The following TJP1 variants were observed in gnomAD, a reference collection of about 807,000 sequenced individuals.
TJP1 encodes the protein tight junction protein ZO-1.
Under a neutral mutation model 194.2 loss-of-function variants are expected in TJP1, and 43 were observed. That is an observed-to-expected ratio of 0.22 (90% CI 0.17 to 0.29). TJP1 has a LOEUF of 0.29. Among genes scored for constraint, TJP1 ranks in the 10% least tolerant of loss-of-function variants. The pLI is 1.00. For missense variants in TJP1, 1,971 were observed against 2,185.7 expected, an observed-to-expected ratio of 0.90 and a Z score of 1.96; for synonymous variants, 801 against 779.0, an observed-to-expected ratio of 1.03 and a Z score of -0.47.
intron 2 of TJP1, among the ~76,000 whole-genome samples, chr15:29,887,388 C>T (rs1159816327): frequency 2.0e-5 from 3 of 151,738 alleles, no homozygotes; most frequent in African/African-American, 7.3e-5. Context: ...GCAACCTCCT[C>T]TCCCAGGTTC....
chr15:29,769,604 C>CT (rs978845015), intron 4 of TJP1, among the ~76,000 whole-genome samples: 4 of 152,124 alleles, frequency 2.6e-5, no homozygotes, highest in African/African-American at 7.2e-5. Flanking sequence ...GATACCTACA[C>CT]AGTCATGCAC....
At chr15:29,878,242 G>A (rs940737390) in intron 2 of TJP1, among the ~76,000 whole-genome samples, 2 of 151,880 alleles carry the variant, frequency 1.3e-5, no homozygotes, top group Non-Finnish European at 2.9e-5. Context: ...AGTAGAGACG[G>A]GGTTTCACCC....
intron 1 of TJP1, among the ~76,000 whole-genome samples, chr15:29,817,309 G>T (rs940140309): frequency 6.6e-6 from 1 of 152,152 alleles, no homozygotes; most frequent in Non-Finnish European, 1.5e-5. Flanking sequence ...TCAGAATGGT[G>T]ATTATTAGAA....
chr15:29,775,149 C>T (rs1204103098), intron 2 of TJP1, among the ~76,000 whole-genome samples: 1 of 152,132 alleles, frequency 6.6e-6, no homozygotes, highest in Admixed American at 6.5e-5. Context: ...TACTCAGTAG[C>T]TGTCAGTTAT....
chr15:29,726,182 G>C (rs2043225365), intron 18 of TJP1, among the ~76,000 whole-genome samples, 197 bp downstream of exon 18: 1 of 152,098 alleles, frequency 6.6e-6, no homozygotes, highest in African/African-American at 2.4e-5. Context: ...CAACAGGTGA[G>C]AAAATTTAAG....
At chr15:29,703,443 A>C (rs191265302) in intron 27 of TJP1, among the ~76,000 whole-genome samples, 1 of 152,154 alleles carries the variant, frequency 6.6e-6, no homozygotes, top group Non-Finnish European at 1.5e-5. Context: ...ACCTCAAAAA[A>C]CCAAATCAAA....
At chr15:29,866,157 T>C (rs1395066305) in intron 2 of TJP1, among the ~76,000 whole-genome samples, 1 of 152,236 alleles carries the variant, frequency 6.6e-6, no homozygotes, top group Non-Finnish European at 1.5e-5. Flanking sequence ...AGCAGCATAT[T>C]AATTCTCTGT....
rs1314842197 is a variant in TJP1 at position 29,704,265 on chromosome 15, A to G, written c.5109T>C (p.His1703=). 2 of 1,599,414 alleles carry G rather than the reference A, an allele frequency of 1.3e-6. No individual in the cohort carries two copies. The highest frequency in any genetic ancestry group is 8.5e-7 in the Non-Finnish European group (1 of 1,173,322). Residue 1703 remains histidine, a synonymous_variant, in exon 27 of 28, where the codon CAT becomes CAC. Coordinates refer to ENST00000614355, the MANE Select transcript of TJP1 (RefSeq NM_001330239.4). The part of the protein sequence containing the change: ...LLSPLVMCGP[H]GLKFLKPVEL... ...CCACAGGCTTCAGGAACTTGAGGCC[A>G]TGGGGACCACACATCACCAAAGGAC...
At chr15:29,938,643 G>A (rs2054962855) in intron 2 of TJP1, among the ~76,000 whole-genome samples, 1 of 152,198 alleles carries the variant, frequency 6.6e-6, no homozygotes, top group Non-Finnish European at 1.5e-5. Context: ...AGCACAGGGT[G>A]TCTGAAATTT....
At chr15:29,898,912 T>C (rs2053557606) in intron 2 of TJP1, among the ~76,000 whole-genome samples, 1 of 152,192 alleles carries the variant, frequency 6.6e-6, no homozygotes, top group African/African-American at 2.4e-5. Flanking sequence ...ATACATAGGT[T>C]ATAGATAACA....
intron 1 of TJP1, among the ~76,000 whole-genome samples, chr15:29,803,388 T>G (rs1202220104): frequency 6.6e-6 from 1 of 152,164 alleles, no homozygotes; most frequent in Non-Finnish European, 1.5e-5. Context: ...CACTTTATTG[T>G]GAAGTAAGCT....
intron 1 of TJP1, 80 bp downstream of exon 1, chr15:29,821,922 G>A (rs910793789): frequency 7.4e-4 from 865 of 1,162,596 alleles, no homozygotes; most frequent in Non-Finnish European, 8.2e-4. Flanking sequence ...AGCGAGGGAG[G>A]GCGGGACGCG....
intron 2 of TJP1, among the ~76,000 whole-genome samples, chr15:29,908,133 G>T (rs955915837): frequency 9.4e-5 from 13 of 138,824 alleles, no homozygotes; most frequent in African/African-American, 3.5e-4. Flanking sequence ...GAGATAAAAG[G>T]TCCAACATGA....
chr15:29,808,195 G>A (rs191983198), intron 1 of TJP1, among the ~76,000 whole-genome samples: 98 of 152,322 alleles, frequency 6.4e-4, no homozygotes, highest in African/African-American at 2.3e-3. Context: ...TTGAACCCAG[G>A]AGGTGGAGTT....
At chr15:29,823,823 C>A (rs2050569837), upstream of TJP1, 1 of 152,136 alleles carries the variant, frequency 6.6e-6, no homozygotes, top group Non-Finnish European at 1.5e-5. Flanking sequence ...CGTGGTGGCT[C>A]ACGCCTGTAA....
At chr15:29,863,263 T>C (rs1452584643) in intron 2 of TJP1, among the ~76,000 whole-genome samples, 1 of 151,774 alleles carries the variant, frequency 6.6e-6, no homozygotes, top group Non-Finnish European at 1.5e-5. Flanking sequence ...GCCGCTGCAC[T>C]CCAGCCTGGG....
In TJP1 at chr15:29,718,934, A is replaced by G. The variant is rs2042758646; in HGVS notation, c.3208T>C (p.Phe1070Leu). Residue 1070 changes from phenylalanine (F) to leucine (L), a missense_variant, in exon 21 of 28, where the codon TTT (phenylalanine) becomes CTT (leucine). By Grantham distance (22) the Phe-to-Leu change is conservative. Coordinates refer to ENST00000614355, the MANE Select transcript of TJP1 (RefSeq NM_001330239.4). ...AGACGATGTTCATAGTTTCGAGAAA[A>G]CTGGTCCGTATAGCTTGAGGACTCG... ...RYESSSYTDQ[F>L]SRNYEHRLRY... 1 of 1,613,952 alleles carries G rather than the reference A, an allele frequency of 6.2e-7. No homozygotes were observed. Among genetic ancestry groups the G allele is most frequent in the African/African-American group, 1.3e-5 (1 of 74,886 alleles).
At chr15:29,955,780 A>AAAAGAATAG (rs1567233454) in intron 2 of TJP1, among the ~76,000 whole-genome samples, 37 of 149,280 alleles carry the variant, frequency 2.5e-4, no homozygotes, top group African/African-American at 9.1e-4. Flanking sequence ...AAAAAAAAAA[A>AAAAGAATAG]AAAGAATAGA....
At chr15:29,766,983 G>A (rs570837078) in intron 4 of TJP1, among the ~76,000 whole-genome samples, 4 of 152,166 alleles carry the variant, frequency 2.6e-5, no homozygotes, top group African/African-American at 9.6e-5. Context: ...CAATATCAAA[G>A]CCCACAATTG....
Sources: gnomAD v4.1 joint callset for allele counts (sites outside exome capture counted in the v4.1 genomes callset) on GRCh38, gnomAD v4.1.1 for gene constraint, MANE v1.5 for transcripts, NCBI Gene and HGNC (gene_info 2026-07-23, HGNC 2026-07-21) for gene names.